Variants in CYLC2 observed in about 807,000 individuals in gnomAD.
The protein encoded by CYLC2 is cylicin 2, also known as cylicin-2.
Under a neutral mutation model 26.1 loss-of-function variants are expected in CYLC2, and 30 were observed. The observed-to-expected ratio is 1.15, with a 90% CI of 0.86 to 1.56. The LOEUF is 1.56. Ranked by LOEUF, CYLC2 falls within the 40% of genes most tolerant of loss-of-function variation. CYLC2 has a pLI of 0.00. For missense variants in CYLC2, 498 were observed against 394.4 expected (o/e 1.26, Z -2.23); for synonymous variants, 158 against 132.8 (o/e 1.19, Z -1.31).
rs1325476178 is a variant in CYLC2, at chr9:103,005,258, A to C, written c.627A>C (p.Glu209Asp). The change falls in exon 5 of 8, where the codon GAA becomes GAC. Residue 209 changes from glutamate to aspartate, a missense_variant. Physicochemically the swap from Glu to Asp is conservative, Grantham distance 45. Coordinates refer to ENST00000374798, the MANE Select transcript of CYLC2 (RefSeq NM_001340.5). Reference protein sequence around the residue: ...GKDSATESEGEKGGTEKDSKK... With the variant: ...GKDSATESEGDKGGTEKDSKK... ...ACTCGGCAACAGAATCTGAAGGTGA[A>C]AAAGGAGGTACAGAGAAAGATAGCA... The C allele has an allele frequency of 2.5e-6, 4 of 1,613,478 alleles. No individual in the cohort carries two copies. The highest frequency in any genetic ancestry group is 3.4e-6 in the Non-Finnish European group (4 of 1,179,850).
At chr9:103,015,389 A>ATT (rs1230782130) in intron 6 of CYLC2, among the ~76,000 whole-genome samples, 743 of 62,640 alleles carry the variant, frequency 0.012, 10 homozygotes, top group African/African-American at 0.047. Flanking sequence ...TATATTAAAT[A>ATT]TATATATATG....
At chr9:103,015,834 C>T (rs1409011164) in intron 6 of CYLC2, among the ~76,000 whole-genome samples, 2 of 150,308 alleles carry the variant, frequency 1.3e-5, no homozygotes. Context: ...ATACCAATAT[C>T]TATTATACTA....
At chr9:103,014,897 C>T (rs1194250212) in intron 6 of CYLC2, among the ~76,000 whole-genome samples, 1 of 133,770 alleles carries the variant, frequency 7.5e-6, no homozygotes, top group Non-Finnish European at 1.6e-5. Flanking sequence ...ATGTAATATA[C>T]ATAATATATG....
chr9:103,014,457 ATATTACGTAATATACATAATATG>A (rs1829466069), intron 6 of CYLC2, among the ~76,000 whole-genome samples: 1 of 132,626 alleles, frequency 7.5e-6, no homozygotes, highest in African/African-American at 2.7e-5. Flanking sequence ...TACATAATGT[ATATTACGTAATATACATAATATG>A]TATATTATGC....
intron 1 of CYLC2, among the ~76,000 whole-genome samples, chr9:103,000,628 G>A (rs1198685843): frequency 2.6e-5 from 4 of 151,906 alleles, no homozygotes; most frequent in Non-Finnish European, 4.4e-5. Flanking sequence ...TTTATAGCAC[G>A]AAAAAATGTG....
chr9:103,013,414 A>G (rs1382484007), intron 6 of CYLC2, among the ~76,000 whole-genome samples: 6 of 105,310 alleles, frequency 5.7e-5, no homozygotes, highest in Non-Finnish European at 1.0e-4. Flanking sequence ...TATATTTAAT[A>G]TATTGTGTAT....
At chr9:103,008,777 C>A (rs918098246) in intron 5 of CYLC2, among the ~76,000 whole-genome samples, 3 of 152,124 alleles carry the variant, frequency 2.0e-5, no homozygotes, top group African/African-American at 7.2e-5. Context: ...AAAGTCCAAT[C>A]AACCATTATC....
At chr9:103,013,273 A>G (rs1376109935) in intron 6 of CYLC2, among the ~76,000 whole-genome samples, 11 of 105,580 alleles carry the variant, frequency 1.0e-4, no homozygotes, top group African/African-American at 4.2e-4. Context: ...TATATATATT[A>G]TATATAACAC....
chr9:103,014,866 ATG>A (rs1013453187), intron 6 of CYLC2, among the ~76,000 whole-genome samples: 4 of 130,662 alleles, frequency 3.1e-5, no homozygotes, highest in African/African-American at 8.9e-5. Context: ...TACATAATAT[ATG>A]TAATATACTA....
At chr9:102,997,204 G>T (rs900650306) in intron 1 of CYLC2, among the ~76,000 whole-genome samples, 11 of 151,846 alleles carry the variant, frequency 7.2e-5, no homozygotes, top group East Asian at 1.9e-4. Flanking sequence ...ATTAGTAGGT[G>T]CTGGGGGTAG....
intron 5 of CYLC2, 143 bp from the exon 6 acceptor site, chr9:103,011,839 A>G (rs1467976813): frequency 6.6e-6 from 1 of 151,920 alleles, no homozygotes; most frequent in Non-Finnish European, 1.5e-5. Flanking sequence ...GTGAGAGTCC[A>G]GGAAAAATAT....
At chr9:103,012,164 T>C (rs1454801786) in intron 6 of CYLC2, 67 bp downstream of exon 6, 5 of 152,000 alleles carry the variant, frequency 3.3e-5, no homozygotes, top group African/African-American at 9.7e-5. Flanking sequence ...TTTCACCATG[T>C]TGGTCAGGCT....
intron 6 of CYLC2, among the ~76,000 whole-genome samples, chr9:103,013,147 A>ATATATATATAT (rs1829427470): frequency 5.3e-5 from 2 of 37,626 alleles, no homozygotes; most frequent in African/African-American, 1.7e-4. Flanking sequence ...TAAATATATC[A>ATATATATATAT]TATATAAATA....
intron 5 of CYLC2, among the ~76,000 whole-genome samples, chr9:103,010,142 T>G (rs1333679997): frequency 6.6e-6 from 1 of 151,902 alleles, no homozygotes; most frequent in East Asian, 1.9e-4. Context: ...ACAATCAATT[T>G]TAAACAAATA....
chr9:103,003,178 A>G lies in CYLC2; in HGVS notation c.95A>G (p.His32Arg). The G allele has an allele frequency of 6.2e-7, 1 of 1,613,836 alleles. No individual in the cohort carries two copies. The highest frequency in any genetic ancestry group is 1.1e-5 in the South Asian group (1 of 91,088). ...AGCAAAAAATCATGGAATCAGCAAC[A>G]CTTTGCCCTGTTATTTCCCAAACCA... ...ELSKKSWNQQ[H>R]FALLFPKPQR... The change falls in exon 3 of 8, where the codon CAC becomes CGC. Residue 32 changes from histidine to arginine, a missense_variant. By Grantham distance (29) the His-to-Arg change is conservative (BLOSUM62 0). Transcript: ENST00000374798.
intron 1 of CYLC2, 60 bp from the exon 2 acceptor site, chr9:103,001,518 C>T (rs182687768): frequency 2.3e-5 from 23 of 1,001,388 alleles, no homozygotes; most frequent in South Asian, 1.4e-5. Flanking sequence ...AAAATAATGA[C>T]AGTTTAAAAC....
intron 5 of CYLC2, among the ~76,000 whole-genome samples, chr9:103,008,706 T>C: frequency 6.6e-6 from 1 of 152,146 alleles, no homozygotes; most frequent in Non-Finnish European, 1.5e-5. Flanking sequence ...TCCTATCCTG[T>C]CTACCTACAA....
rs564247653 is a variant in CYLC2, at chr9:103,013,497, A to G, written c.*816+1400A>G. ...TAAATATATATTTAACATATTACAT[A>G]TATTATATTTGTAAGAAATAAATTA... On this transcript the variant is annotated intron_variant, in intron 6 of 7. Transcript: ENST00000374798. 1.6e-3 allele frequency among the ~76,000 whole-genome samples: 173 copies of G among 109,838 alleles called. 2 individuals carry two copies. Among genetic ancestry groups the G allele is most frequent in the African/African-American group, 6.1e-3 (164 of 26,730 alleles). The allele number at this position is 109,838 out of a possible 152,430, so 72.1% of individuals were successfully genotyped here.
intron 5 of CYLC2, among the ~76,000 whole-genome samples, chr9:103,007,911 A>G (rs1435916960): frequency 2.0e-5 from 3 of 152,180 alleles, no homozygotes; most frequent in Middle Eastern, 3.4e-3. Context: ...ATCAACTACT[A>G]AGAGTCAGTG....
Sources: allele counts gnomAD v4.1 joint callset (sites outside exome capture counted in the v4.1 genomes callset), GRCh38; gene constraint gnomAD v4.1.1; transcripts MANE v1.5; gene names NCBI Gene and HGNC (gene_info 2026-07-23, HGNC 2026-07-21).